Variants in NIN observed in about 807,000 individuals in gnomAD.
NIN encodes ninein.
A neutral mutation model predicts 257.6 loss-of-function variants in NIN; 137 were observed. That is an observed-to-expected ratio of 0.53 (90% CI 0.46 to 0.61). The LOEUF is 0.61. NIN is among the 20% of genes least tolerant of loss of function. The pLI is 0.00. For synonymous variants in NIN, 918 were observed against 919.8 expected, an observed-to-expected ratio of 1.00 and a Z score of 0.04; for missense variants, 2,439 against 2,501.2, an observed-to-expected ratio of 0.98 and a Z score of 0.53.
At chr14:50,807,291 G>A (rs35980920) in intron 3 of NIN, among the ~76,000 whole-genome samples, 12,098 of 152,166 alleles carry the variant, frequency 0.08, 622 homozygotes, top group Admixed American at 0.13. Flanking sequence ...TTGAGGGAAG[G>A]TATATAATAT....
At chr14:50,763,783 CAA>C (rs2042368007) in intron 15 of NIN, 41 bp downstream of exon 15, 1 of 1,533,920 alleles carries the variant, frequency 6.5e-7, no homozygotes, top group Middle Eastern at 1.7e-4. Flanking sequence ...TTTCTAAAAA[CAA>C]GAGTAAAGGC....
intron 4 of NIN, among the ~76,000 whole-genome samples, chr14:50,804,826 A>G (rs2142172370): frequency 6.6e-6 from 1 of 152,030 alleles, no homozygotes; most frequent in African/African-American, 2.4e-5. Flanking sequence ...CATAAATGTC[A>G]TAATGTTTTA....
intron 3 of NIN, among the ~76,000 whole-genome samples, chr14:50,818,493 C>T (rs537546349): frequency 6.6e-6 from 1 of 152,084 alleles, no homozygotes; most frequent in South Asian, 2.1e-4. Flanking sequence ...CATGGTTCCC[C>T]TCGATTTTTG....
chr14:50,823,154 T>G (rs1355986705), intron 2 of NIN: 1 of 451,334 alleles, frequency 2.2e-6, no homozygotes. Flanking sequence ...ATGAAATCTG[T>G]GGTTTTTTTT....
chr14:50,778,981 C>T (rs371475537), intron 5 of NIN, among the ~76,000 whole-genome samples, 177 bp from the exon 6 acceptor site: 22 of 152,334 alleles, frequency 1.4e-4, no homozygotes, highest in African/African-American at 5.1e-4. Context: ...ACCAGCCAAT[C>T]AGGACGAGAC....
At chr14:50,818,983 A>T (rs2045069432) in intron 3 of NIN, among the ~76,000 whole-genome samples, 1 of 152,188 alleles carries the variant, frequency 6.6e-6, no homozygotes, top group South Asian at 2.1e-4. Context: ...GAGCGAGACA[A>T]TGCTTTCCAT....
chr14:50,817,181 A>AACC (rs1283363469), intron 3 of NIN, among the ~76,000 whole-genome samples: 10 of 152,308 alleles, frequency 6.6e-5, no homozygotes, highest in Admixed American at 2.0e-4. Flanking sequence ...AATCAGAGAC[A>AACC]ACCAGTCTGA....
At chr14:50,801,650 G>C (rs773737523) in intron 4 of NIN, among the ~76,000 whole-genome samples, 1 of 152,156 alleles carries the variant, frequency 6.6e-6, no homozygotes, top group Non-Finnish European at 1.5e-5. Context: ...CTAGTGACAG[G>C]CCATAAGACC....
chr14:50,738,006 T>A (rs574829233), intron 27 of NIN, 134 bp downstream of exon 27: 1 of 840,314 alleles, frequency 1.2e-6, no homozygotes, highest in African/African-American at 1.7e-5. Context: ...TTTGACAAGA[T>A]AACAGCATAA....
chr14:50,741,250 C>A (rs909667749), intron 25 of NIN, among the ~76,000 whole-genome samples: 4 of 152,020 alleles, frequency 2.6e-5, no homozygotes, highest in Non-Finnish European at 4.4e-5. Flanking sequence ...CAGCCATGGT[C>A]TTCTGACTTG....
At chr14:50,756,471 T>C in intron 18 of NIN, 21 bp downstream of exon 18, 1 of 1,564,442 alleles carries the variant, frequency 6.4e-7, no homozygotes, top group Non-Finnish European at 8.6e-7. Context: ...ATTCGTGACG[T>C]CTAGAAGGTA....
At chr14:50,799,491 A>G (rs1234759089) in intron 4 of NIN, among the ~76,000 whole-genome samples, 1 of 152,190 alleles carries the variant, frequency 6.6e-6, no homozygotes, top group Non-Finnish European at 1.5e-5. Flanking sequence ...AACAGGTAAG[A>G]TTAGTGTAAT....
chr14:50,757,733 C>G lies in NIN; in HGVS notation c.3297G>C (p.Glu1099Asp). Residue 1099 changes from glutamate to aspartate, a missense_variant, in exon 18 of 31, where the codon GAG (glutamate) becomes GAC (aspartate). By Grantham distance (45) the Glu-to-Asp change is conservative. This residue lies in a region of NIN where 2,043 missense variants were observed against 2,050.2 expected (regional missense o/e 1.00). Transcript: ENST00000530997. ...SRLQQRLQKLEPGLVMSSCLD... is the reference protein window; with the variant it reads ...SRLQQRLQKLDPGLVMSSCLD... The stretch of plus-strand genomic sequence containing the variant: ...AACAAGAAGACATTACTAACCCTGG[C>G]TCTAACTTTTGTAGCCTCTGTTGCA... 6.2e-7 allele frequency: 1 copy of G among 1,614,172 alleles called. No individual in the cohort carries two copies. Among genetic ancestry groups the G allele is most frequent in the Non-Finnish European group, 8.5e-7 (1 of 1,180,028 alleles).
rs1321809497 is a variant in NIN, at chr14:50,770,988, G to A, written c.1123C>T (p.Arg375Ter). 1.2e-6 allele frequency: 2 copies of A among 1,613,222 alleles called. No individual in the cohort carries two copies. The highest frequency in any genetic ancestry group is 1.7e-6 in the Non-Finnish European group (2 of 1,179,716). ...TTTTCTCTGACCACCTGATCAACTC[G>A]TTCCCTAGGATCAGAAGTACACTGA... ...FKAEIRHLLE[R>*]VDQVVREKEK... Residue 375 changes from arginine (R) to a stop codon, truncating the protein, a stop_gained, in exon 11 of 31, where the codon CGA (arginine) becomes TGA (stop). Transcript: ENST00000530997. LOFTEE classifies it high-confidence loss of function.
In NIN at chr14:50,770,395, G is replaced by A; in HGVS notation, c.1427C>T (p.Ser476Phe). 6.2e-7 allele frequency: 1 copy of A among 1,614,084 alleles called. No homozygotes were observed. Among genetic ancestry groups the A allele is most frequent in the East Asian group, 2.2e-5 (1 of 44,872 alleles). ...ENYIRDRLAL[S>F]LKENSRLENE... is the part of the protein sequence containing the mutation. ...AACTAATAAGATGATTACCTTTAAAGAGAGGGCAAGGCGGTCCCGGATATA... is the reference window on the plus strand; with the variant it reads ...AACTAATAAGATGATTACCTTTAAAAAGAGGGCAAGGCGGTCCCGGATATA... Residue 476 changes from serine to phenylalanine, a missense_variant, in exon 12 of 31, where the codon TCT (serine) becomes TTT (phenylalanine). By Grantham distance (155) the Ser-to-Phe change is radical (BLOSUM62 -2). Coordinates refer to ENST00000530997, the MANE Select transcript of NIN (RefSeq NM_020921.4).
intron 29 of NIN, 47 bp downstream of exon 29, chr14:50,729,476 C>T (rs368682516): frequency 1.7e-5 from 26 of 1,546,874 alleles, no homozygotes; most frequent in Admixed American, 1.3e-4. Context: ...TTCAAATAAA[C>T]AGGTAAAATT....
intron 4 of NIN, among the ~76,000 whole-genome samples, chr14:50,795,099 G>A (rs536511176): frequency 6.6e-6 from 1 of 152,208 alleles, no homozygotes; most frequent in South Asian, 2.1e-4. Context: ...TAGAACGTAC[G>A]AACATGATAA....
intron 3 of NIN, among the ~76,000 whole-genome samples, chr14:50,818,283 A>G (rs2045022630): frequency 7.0e-6 from 1 of 142,852 alleles, no homozygotes; most frequent in Non-Finnish European, 1.5e-5. Flanking sequence ...AGATTATGCC[A>G]CTACACTCCA....
intron 20 of NIN, among the ~76,000 whole-genome samples, chr14:50,753,659 T>C (rs889544867): frequency 6.6e-6 from 1 of 152,228 alleles, no homozygotes; most frequent in Non-Finnish European, 1.5e-5. Context: ...TGTATATAGA[T>C]ATATATTCAT....
Sources: gnomAD v4.1 joint callset for allele counts (sites outside exome capture counted in the v4.1 genomes callset) on GRCh38, gnomAD v4.1.1 for gene constraint, gnomAD v4.1.1 regional missense constraint, MANE v1.5 for transcripts, NCBI Gene and HGNC (gene_info 2026-07-23, HGNC 2026-07-21) for gene names.